Variants in PLEKHG1 observed in about 807,000 individuals in gnomAD.
The protein encoded by PLEKHG1 is pleckstrin homology domain-containing family G member 1.
A neutral mutation model predicts 100.8 loss-of-function variants in PLEKHG1; 44 were observed. The observed-to-expected ratio is 0.44, with a 90% confidence interval of 0.34 to 0.56. The LOEUF (loss-of-function observed/expected upper bound fraction) is 0.56. Ranked by LOEUF, PLEKHG1 falls within the 20% of genes least tolerant of loss-of-function variation. PLEKHG1 has a pLI of 0.01. For missense variants in PLEKHG1, 1,545 were observed against 1,720.9 expected (o/e 0.90, Z 1.81); for synonymous variants, 640 against 662.5 (o/e 0.97, Z 0.52).
At chr6:150,819,116 A>ATTTTTT (rs56049606) in intron 11 of PLEKHG1, among the ~76,000 whole-genome samples, 1 of 133,076 alleles carries the variant, frequency 7.5e-6, no homozygotes, top group African/African-American at 2.8e-5. Context: ...TTGCCTTCGG[A>ATTTTTT]TTTTTTTTTT....
intron 2 of PLEKHG1, among the ~76,000 whole-genome samples, chr6:150,761,070 A>G (rs1205544258): frequency 6.6e-6 from 1 of 150,984 alleles, no homozygotes; most frequent in African/African-American, 2.4e-5. Context: ...TGTGAAGTAA[A>G]TGAAAACAAT....
At chr6:150,840,793 A>G (rs370178548) in exon 16 of PLEKHG1, 85 of 1,614,050 alleles carry the variant, frequency 5.3e-5, no homozygotes, top group Non-Finnish European at 7.1e-5. Context: ...GATTCTGACA[A>G]ACTGAATGAC....
chr6:150,785,740 G>A (rs111817019), intron 3 of PLEKHG1, among the ~76,000 whole-genome samples: 1 of 152,042 alleles, frequency 6.6e-6, no homozygotes, highest in Non-Finnish European at 1.5e-5. Flanking sequence ...ATACCAGTTT[G>A]TGACCTGTTA....
intron 3 of PLEKHG1, 34 bp downstream of exon 4, chr6:150,768,772 C>A (rs756604749): frequency 6.3e-5 from 76 of 1,214,386 alleles, no homozygotes; most frequent in Non-Finnish European, 1.8e-5. Context: ...TTCTCACATA[C>A]GAGCATTATG....
chr6:150,736,760 C>T (rs538045941), intron 2 of PLEKHG1, among the ~76,000 whole-genome samples: 1 of 152,010 alleles, frequency 6.6e-6, no homozygotes, highest in South Asian at 2.1e-4. Context: ...CAGAACAAGA[C>T]TCCATCTTTA....
intron 1 of PLEKHG1, among the ~76,000 whole-genome samples, chr6:150,622,088 G>C (rs1450137933): frequency 6.6e-6 from 1 of 151,982 alleles, no homozygotes; most frequent in East Asian, 1.9e-4. Flanking sequence ...GGTCAGCTTG[G>C]TTGTGCCAGC....
chr6:150,746,123 G>A (rs1783148862), intron 2 of PLEKHG1, among the ~76,000 whole-genome samples: 2 of 152,122 alleles, frequency 1.3e-5, no homozygotes, highest in African/African-American at 4.8e-5. Context: ...TGCACTCAGG[G>A]GAGACCAAGA....
At chr6:150,750,640 G>C in intron 2 of PLEKHG1, among the ~76,000 whole-genome samples, 1 of 151,052 alleles carries the variant, frequency 6.6e-6, no homozygotes, top group Non-Finnish European at 1.5e-5. Context: ...AATTAGCCGG[G>C]CGTAGTGGCG....
Position 150,661,822 on chromosome 6 carries a change from A to T in PLEKHG1, c.-99+11036A>T, listed in dbSNP as rs540619815. Among the ~76,000 whole-genome samples, 8 of 152,346 alleles carry T rather than the reference A, an allele frequency of 5.3e-5. No homozygotes were observed. In the East Asian group the frequency reaches 1.3e-3, roughly 26 times the overall value. ...CATGTGTATATCAGAGCAATAACAG[A>T]AGCACCTTATGATTATGTAGCACTT... On this transcript the variant is annotated intron_variant, in intron 3 of 3. Transcript: ENST00000367326.
intron 2 of PLEKHG1, among the ~76,000 whole-genome samples, chr6:150,639,545 C>CT (rs1160137411): frequency 1.4e-3 from 206 of 144,680 alleles, no homozygotes; most frequent in African/African-American, 1.9e-3. Context: ...TGTTCCTATC[C>CT]TTTTTTTTTT....
chr6:150,728,329 TAC>T lies in PLEKHG1; in HGVS notation c.-98-5252_-98-5251del, dbSNP rs565329353. Among the ~76,000 whole-genome samples the T allele has an allele frequency of 4.4e-3, 674 of 152,330 alleles. 7 individuals carry two copies. Among genetic ancestry groups the T allele is most frequent in the African/African-American group, 0.015 (624 of 41,578 alleles). On this transcript the variant is annotated intron_variant, in intron 1 of 15. Coordinates refer to ENST00000358517, the Ensembl canonical transcript of PLEKHG1. ...GTAAAATGATGCCGGGGCAGTGGCTTACACCTATAATCTCAGCACTTTGGGAG... is the reference window on the plus strand; with the variant it reads ...GTAAAATGATGCCGGGGCAGTGGCTTACCTATAATCTCAGCACTTTGGGAG...
intron 1 of PLEKHG1, among the ~76,000 whole-genome samples, chr6:150,604,091 A>G (rs945772330): frequency 1.3e-5 from 2 of 152,242 alleles, no homozygotes; most frequent in Admixed American, 1.3e-4. Flanking sequence ...AAAGCTAGCA[A>G]GCCCATTTAT....
At chr6:150,733,102 T>A (rs6917719) in intron 1 of PLEKHG1, among the ~76,000 whole-genome samples, 28,490 of 152,134 alleles carry the variant, frequency 0.19, 4,266 homozygotes, top group African/African-American at 0.41. Context: ...AAAATCTAGA[T>A]CAAGGTTTTT....
intron 11 of PLEKHG1, among the ~76,000 whole-genome samples, chr6:150,819,031 G>C (rs1275699103): frequency 6.6e-6 from 1 of 151,938 alleles, no homozygotes; most frequent in Non-Finnish European, 1.5e-5. Context: ...CAACAGACCC[G>C]AGAAATGATG....
rs774102215 is a variant in PLEKHG1 at position 150,823,612 on chromosome 6, C to G, written c.1448-42C>G. On this transcript the variant is annotated intron_variant, in intron 13 of 15. Coordinates refer to ENST00000358517, the Ensembl canonical transcript of PLEKHG1. ...TTAGTGCTTACTTATATAGGAGGTACATTTTCATTCTCAAACTTGAAAAAA... is the reference window on the plus strand; with the variant it reads ...TTAGTGCTTACTTATATAGGAGGTAGATTTTCATTCTCAAACTTGAAAAAA... 2.1e-6 allele frequency: 3 copies of G among 1,401,940 alleles called. No homozygotes were observed. The African/African-American group carries it at 4.2e-5, about 20-fold the overall frequency. The allele number at this position is 1,401,940 out of a possible 1,614,324, so 86.8% of individuals were successfully genotyped here. A position where few individuals can be genotyped will look rare whatever the true frequency, so the allele number is the denominator to read the frequency against.
intron 2 of PLEKHG1, among the ~76,000 whole-genome samples, chr6:150,750,292 G>A (rs1783430849): frequency 6.6e-6 from 1 of 152,110 alleles, no homozygotes; most frequent in Non-Finnish European, 1.5e-5. Flanking sequence ...CTGAAAACTA[G>A]GAATCTTTCT....
At chr6:150,772,322 G>A (rs991884329) in intron 3 of PLEKHG1, among the ~76,000 whole-genome samples, 1 of 152,192 alleles carries the variant, frequency 6.6e-6, no homozygotes, top group African/African-American at 2.4e-5. Flanking sequence ...CCCAAGCATG[G>A]TTTTGTTGCC....
chr6:150,776,869 G>A (rs1261461658), intron 3 of PLEKHG1, among the ~76,000 whole-genome samples: 1 of 151,238 alleles, frequency 6.6e-6, no homozygotes, highest in East Asian at 1.9e-4. Context: ...TGCAATCCTG[G>A]TGCACATGTG....
At chr6:150,780,756 T>C (rs1212763246) in intron 3 of PLEKHG1, among the ~76,000 whole-genome samples, 1 of 152,236 alleles carries the variant, frequency 6.6e-6, no homozygotes, top group African/African-American at 2.4e-5. Context: ...CGCATGATGT[T>C]AACGTCGTTC....
Sources: gnomAD v4.1 joint callset for allele counts (sites outside exome capture counted in the v4.1 genomes callset) on GRCh38, gnomAD v4.1.1 for gene constraint, MANE v1.5 for transcripts, NCBI Gene and HGNC (gene_info 2026-07-23, HGNC 2026-07-21) for gene names.